Variants in CAND1 observed in about 807,000 individuals in gnomAD.
CAND1 encodes cullin-associated NEDD8-dissociated protein 1.
A neutral mutation model predicts 108.5 loss-of-function variants in CAND1; 7 were observed. The observed-to-expected ratio is 0.06, with a 90% CI of 0.04 to 0.12. The LOEUF (loss-of-function observed/expected upper bound fraction) is 0.12, where lower values mean the gene tolerates loss of function less well. Among genes scored for constraint, CAND1 ranks in the 10% least tolerant of loss-of-function variants. The probability of loss-of-function intolerance (pLI) is 1.00; values close to 1 mark genes in which losing one functional copy is unlikely to be tolerated. For synonymous variants in CAND1, 534 were observed against 512.0 expected (o/e 1.04, Z -0.58); for missense variants, 941 against 1,448.7 (o/e 0.65, Z 5.69).
intron 1 of CAND1, 108 bp downstream of exon 1, chr12:67,269,893 T>G: frequency 1.1e-6 from 1 of 875,340 alleles, no homozygotes; most frequent in Non-Finnish European, 1.8e-6. Flanking sequence ...GTAGCTTCTC[T>G]GCCCCGAAGT....
intron 1 of CAND1, among the ~76,000 whole-genome samples, chr12:67,277,345 G>A (rs992987824): frequency 7.2e-5 from 11 of 152,076 alleles, no homozygotes; most frequent in Non-Finnish European, 1.5e-4. Flanking sequence ...CGTTTTATGA[G>A]TGTTTCTTTT....
Position 67,282,806 on chromosome 12 carries a change from A to G in CAND1, c.212+753A>G, listed in dbSNP as rs114810514. ...TATCATCAGTTGATACAATATACATATGATACGATAGTTACAGAGAGTCTT... is the reference window on the plus strand; with the variant it reads ...TATCATCAGTTGATACAATATACATGTGATACGATAGTTACAGAGAGTCTT... On this transcript the variant is annotated intron_variant, in intron 2 of 14. Coordinates refer to ENST00000545606, the MANE Select transcript of CAND1 (RefSeq NM_018448.5). Among the ~76,000 whole-genome samples, 596 of 152,342 alleles carry G rather than the reference A, an allele frequency of 3.9e-3. 3 individuals are homozygous for G. The highest frequency in any genetic ancestry group is 0.014 in the African/African-American group (573 of 41,584).
intron 1 of CAND1, among the ~76,000 whole-genome samples, chr12:67,273,851 A>G (rs1460153077): frequency 1.3e-5 from 2 of 152,230 alleles, no homozygotes; most frequent in Non-Finnish European, 2.9e-5. Context: ...TAAAGAAAAT[A>G]TCATTATCTT....
At position 67,317,421 on chromosome 12, in the gene CAND1, C is replaced by A. The variant is rs2045017695; in HGVS notation, c.*4591C>A. On this transcript the variant is annotated 3_prime_UTR_variant, in exon 15 of 15. Coordinates refer to ENST00000545606, the MANE Select transcript of CAND1 (RefSeq NM_018448.5). ...ACTGCTGAGATTATTGCAAGTGCCTCCTTGCCCAGCCACATGTTGTTGATT... is the reference window on the plus strand; with the variant it reads ...ACTGCTGAGATTATTGCAAGTGCCTACTTGCCCAGCCACATGTTGTTGATT... 2 of 151,864 alleles carry A rather than the reference C, an allele frequency of 1.3e-5. No homozygotes were observed. Among genetic ancestry groups the A allele is most frequent in the Non-Finnish European group, 2.9e-5 (2 of 68,036 alleles). The allele number at this position is 151,864 out of a possible 1,614,324, so 9.4% of individuals were successfully genotyped here. A position where few individuals can be genotyped will look rare whatever the true frequency, so the allele number is the denominator to read the frequency against.
chr12:67,272,883 G>A (rs903989227), intron 1 of CAND1, among the ~76,000 whole-genome samples: 2 of 152,056 alleles, frequency 1.3e-5, no homozygotes, highest in African/African-American at 2.4e-5. Flanking sequence ...TTTTAGTCAA[G>A]ACGGGGTTTC....
At chr12:67,285,580 G>T (rs892285607) in intron 2 of CAND1, among the ~76,000 whole-genome samples, 3 of 152,136 alleles carry the variant, frequency 2.0e-5, no homozygotes, top group African/African-American at 7.2e-5. Context: ...TCATAGACCA[G>T]TGAGGTAAAA....
At chr12:67,290,981 A>T (rs1465377046) in intron 2 of CAND1, among the ~76,000 whole-genome samples, 1 of 152,180 alleles carries the variant, frequency 6.6e-6, no homozygotes, top group Admixed American at 6.5e-5. Context: ...CTAGTGCCTG[A>T]TGATCTGAGG....
chr12:67,283,582 CA>C (rs376419534), intron 2 of CAND1, among the ~76,000 whole-genome samples: 274 of 88,508 alleles, frequency 3.1e-3, no homozygotes, highest in East Asian at 4.5e-3. Flanking sequence ...GACTGTGTCT[CA>C]AAAAAAAAAA....
intron 1 of CAND1, among the ~76,000 whole-genome samples, chr12:67,271,319 A>G (rs17103644): frequency 0.064 from 9,777 of 152,228 alleles, 375 homozygotes; most frequent in African/African-American, 0.093. Context: ...CTTGCTTCCA[A>G]TTCAAGTAAT....
intron 3 of CAND1, among the ~76,000 whole-genome samples, chr12:67,293,440 G>A (rs945104409): frequency 2.6e-5 from 4 of 152,186 alleles, no homozygotes; most frequent in Admixed American, 1.3e-4. Flanking sequence ...TATTTCATGG[G>A]AAGATTTAGA....
Position 67,299,069 on chromosome 12 carries a change from C to T in CAND1, c.974C>T (p.Ala325Val). 1 of 1,528,748 alleles carries T rather than the reference C, an allele frequency of 6.5e-7. No homozygotes were observed. The highest frequency in any genetic ancestry group is 9.0e-7 in the Non-Finnish European group (1 of 1,112,294). The allele number at this position is 1,528,748 out of a possible 1,614,324, so 94.7% of individuals were successfully genotyped here. A position where few individuals can be genotyped will look rare whatever the true frequency, so the allele number is the denominator to read the frequency against. The change falls in exon 7 of 15, where the codon GCT becomes GTT. Residue 325 changes from alanine to valine, a missense_variant. Ala to Val is a moderately conservative substitution (Grantham distance 64). Around this residue, in one of 9 missense-constraint regions of CAND1, gnomAD observed 697 missense variants for 942.0 expected, o/e 0.74. Coordinates refer to ENST00000545606, the MANE Select transcript of CAND1 (RefSeq NM_018448.5). ...DEDEDENAMD[A>V]DGGDDDDQGS... ...GATGAAGATGAAAATGCAATGGATG[C>T]TGATGGTGGTGATGATGATGATCAA... is the stretch of plus-strand genomic sequence containing the variant.
intron 1 of CAND1, among the ~76,000 whole-genome samples, chr12:67,277,466 A>G (rs1301400524): frequency 1.3e-5 from 2 of 152,188 alleles, no homozygotes; most frequent in East Asian, 3.8e-4. Flanking sequence ...GCCTTCTTGC[A>G]CTTAGGAATG....
chr12:67,297,974 A>G (rs1166471380), intron 6 of CAND1, 121 bp downstream of exon 6: 5 of 502,248 alleles, frequency 1.0e-5, no homozygotes, highest in African/African-American at 3.9e-5. Context: ...CAGACAATAC[A>G]GTATTTGAAA....
At chr12:67,307,962 G>C (rs2044906254) in intron 11 of CAND1, among the ~76,000 whole-genome samples, 1 of 151,964 alleles carries the variant, frequency 6.6e-6, no homozygotes, top group East Asian at 1.9e-4. Flanking sequence ...AATAAAGGGG[G>C]GGAGAGCTAA....
chr12:67,282,655 G>C (rs1374150063), intron 2 of CAND1, among the ~76,000 whole-genome samples: 4 of 152,094 alleles, frequency 2.6e-5, no homozygotes, highest in African/African-American at 9.7e-5. Context: ...GCCTCCCAAA[G>C]TGCTGGGATT....
intron 8 of CAND1, among the ~76,000 whole-genome samples, chr12:67,303,081 A>G (rs2136014891): frequency 6.6e-6 from 1 of 152,350 alleles, no homozygotes; most frequent in Non-Finnish European, 1.5e-5. Context: ...CCTACTACAT[A>G]TATGCTTGAT....
In CAND1 at chr12:67,318,552, A is replaced by G. The variant is rs1278498074; in HGVS notation, c.*5722A>G. 3 of 152,222 alleles carry G rather than the reference A, an allele frequency of 2.0e-5. No homozygotes were observed. Among genetic ancestry groups the G allele is most frequent in the Non-Finnish European group, 4.4e-5 (3 of 68,044 alleles). 9.4% of individuals were successfully genotyped at this position (152,222 alleles called of 1,614,324 possible). A position where few individuals can be genotyped will look rare whatever the true frequency, so the allele number is the denominator to read the frequency against. On this transcript the variant is annotated 3_prime_UTR_variant, in exon 15 of 15. Transcript: ENST00000545606. ...CCCTTTTATTTCCTAAATATCTCTCATGCCCATCTCCTAAATATCTCTTTC... is the reference window on the plus strand; with the variant it reads ...CCCTTTTATTTCCTAAATATCTCTCGTGCCCATCTCCTAAATATCTCTTTC...
rs532498312 is a variant in CAND1, at chr12:67,297,673, C to T, written c.748+10C>T. On this transcript the variant is annotated intron_variant, in intron 5 of 14. Transcript: ENST00000545606. ...GCTGGTCATAGAATAGGTAAGAAAT[C>T]TTTAAAAGTTTTACAGTTTTCTTTA... The T allele has an allele frequency of 8.7e-5, 139 of 1,601,240 alleles. 1 individual carries two copies. The Admixed American group carries it at 1.3e-3, about 15-fold the overall frequency.
chr12:67,292,649 A>G lies in CAND1; in HGVS notation c.240A>G (p.Lys80=). 6.2e-7 allele frequency: 1 copy of G among 1,612,040 alleles called. No individual in the cohort carries two copies. The highest frequency in any genetic ancestry group is 8.5e-7 in the Non-Finnish European group (1 of 1,179,208). Residue 80 remains lysine, a synonymous_variant, in exon 3 of 15, where the codon AAA becomes AAG. Transcript: ENST00000545606. ...KCLGPLVSKV[K]EYQVETIVDT... is the part of the protein sequence containing the mutation. ...TTGGTCCTTTAGTGAGTAAAGTGAA[A>G]GAATACCAAGTAGAGACAATTGTAG...
Sources: allele counts gnomAD v4.1 joint callset (sites outside exome capture counted in the v4.1 genomes callset), GRCh38; gene constraint gnomAD v4.1.1; regional missense constraint gnomAD v4.1.1; transcripts MANE v1.5; gene names NCBI Gene and HGNC (gene_info 2026-07-23, HGNC 2026-07-21).